HECTD4: variants seen among roughly 807,000 people sequenced by gnomAD.
The protein encoded by HECTD4 is probable E3 ubiquitin-protein ligase HECTD4.
Under a neutral mutation model 471.5 loss-of-function variants are expected in HECTD4, and 114 were observed. The ratio of observed to expected loss-of-function variants is 0.24; its 90% confidence interval spans 0.21 to 0.28. HECTD4 has a LOEUF of 0.28. HECTD4 is among the 10% of genes least tolerant of loss of function. HECTD4 has a pLI of 1.00. For missense variants in HECTD4, 3,866 were observed against 5,651.5 expected (o/e 0.68, Z 10.13); for synonymous variants, 2,012 against 2,256.0 (o/e 0.89, Z 3.07).
intron 66 of HECTD4, among the ~76,000 whole-genome samples, 157 bp downstream of exon 66, chr12:112,175,579 A>T (rs2031409221): frequency 6.6e-6 from 1 of 152,272 alleles, no homozygotes; most frequent in Admixed American, 6.5e-5. Context: ...ATGGGTTAGA[A>T]AACCCATTTA....
In HECTD4 at chr12:112,169,985, A is replaced by C. The variant is rs924322493; in HGVS notation, c.12053-327T>G. 7.5e-6 allele frequency: 4 copies of C among 533,556 alleles called. No individual in the cohort carries two copies. The African/African-American group carries it at 7.6e-5, about 10-fold the overall frequency. 33.1% of individuals were successfully genotyped at this position (533,556 alleles called of 1,614,324 possible). A position where few individuals can be genotyped will look rare whatever the true frequency, so the allele number is the denominator to read the frequency against. Reference sequence around the variant, plus strand: ...CTGCGCATATCCCCCTTCTGTCTATACGCTGTGGCAGAGACTCTGGGGAGC... The same window carrying C: ...CTGCGCATATCCCCCTTCTGTCTATCCGCTGTGGCAGAGACTCTGGGGAGC... On this transcript the variant is annotated intron_variant, in intron 69 of 75. Coordinates refer to ENST00000682272, the MANE Select transcript of HECTD4 (RefSeq NM_001388303.1).
At chr12:112,298,788 G>A (rs1017456726) in intron 7 of HECTD4, among the ~76,000 whole-genome samples, 3 of 151,598 alleles carry the variant, frequency 2.0e-5, no homozygotes, top group Admixed American at 6.6e-5. Context: ...AGGCTGAGGC[G>A]GGAGAATCAC....
chr12:112,319,227 G>C lies in HECTD4; in HGVS notation c.693C>G (p.Ala231=), dbSNP rs1247420342. The C allele has an allele frequency of 3.9e-6, 6 of 1,536,018 alleles. No individual in the cohort carries two copies. The East Asian group carries it at 1.5e-4, about 38-fold the overall frequency. ...ATGATACATTCGATTTTCCTTACCT[G>C]GCACAAGCCAAAGCCACCAGGGCAG... ...AAAALVALAC[A]RGSLKTFVHT... The change falls in exon 2 of 76, where the codon GCC becomes GCG. Residue 231 remains alanine, a splice_region_variant and synonymous_variant. Transcript: ENST00000682272. The surrounding 1 kb of genome is among the most constrained non-coding windows in gnomAD (Gnocchi z 5.3).
Position 112,290,848 on chromosome 12 carries a change from C to CAAAAAAAAAAAAA in HECTD4, c.1336-7547_1336-7546insTTTTTTTTTTTTT, listed in dbSNP as rs773634720. On this transcript the variant is annotated intron_variant, in intron 7 of 75. Coordinates refer to ENST00000682272, the MANE Select transcript of HECTD4 (RefSeq NM_001388303.1). ...GAGCAACAAGAGCGAAACTCCGTCT[C>CAAAAAAAAAAAAA]AAAAAAAAACAAAACAAAAAAAAAA... Among the ~76,000 whole-genome samples, 92 of 86,184 alleles carry CAAAAAAAAAAAAA rather than the reference C, an allele frequency of 1.1e-3. 8 individuals are homozygous for CAAAAAAAAAAAAA. The East Asian group carries it at 0.026, about 25-fold the overall frequency. The allele number at this position is 86,184 out of a possible 152,430, so 56.5% of individuals were successfully genotyped here.
chr12:112,263,014 T>G (rs11066222), intron 17 of HECTD4, among the ~76,000 whole-genome samples: 14,697 of 152,162 alleles, frequency 0.097, 1,909 homozygotes, highest in East Asian at 0.62. Context: ...CTAATGACAT[T>G]CATGATCATC....
chr12:112,270,483 G>T, intron 11 of HECTD4, 24 bp from the exon 12 acceptor site: 1 of 1,585,696 alleles, frequency 6.3e-7, no homozygotes, highest in Non-Finnish European at 8.7e-7. Context: ...AGGAAACTGA[G>T]TGAGGAAAGA....
chr12:112,212,946 C>T (rs2032807354), intron 48 of HECTD4, among the ~76,000 whole-genome samples: 1 of 152,204 alleles, frequency 6.6e-6, no homozygotes, highest in Non-Finnish European at 1.5e-5. Context: ...CAGGCGCCTA[C>T]AAGCACGCCC....
Position 112,162,411 on chromosome 12 carries a change from G to A in HECTD4, c.13233C>T (p.Tyr4411=). The change falls in exon 76 of 76, where the codon TAC becomes TAT. Residue 4411 remains tyrosine, a synonymous_variant. Transcript: ENST00000682272. The surrounding 1 kb of genome is among the most constrained non-coding windows in gnomAD (Gnocchi z 5.2). ...ATCAGCCACTGAGGGGGTCTTCACGGTAGTGAATGGCACAACGAAGTTTCT... is the reference window on the plus strand; with the variant it reads ...ATCAGCCACTGAGGGGGTCTTCACGATAGTGAATGGCACAACGAAGTTTCT... The part of the protein sequence containing the change: ...MLEKLRCAIH[Y]REDPLSG The A allele has an allele frequency of 1.9e-6, 3 of 1,614,058 alleles. No individual in the cohort carries two copies. In the South Asian group the frequency reaches 3.3e-5, roughly 18 times the overall value.
At chr12:112,226,238 C>T (rs1245482329) in intron 44 of HECTD4, among the ~76,000 whole-genome samples, 1 of 152,040 alleles carries the variant, frequency 6.6e-6, no homozygotes, top group Non-Finnish European at 1.5e-5. Context: ...CACACTCACA[C>T]ACACACATGC....
chr12:112,193,756 AC>A lies in HECTD4; in HGVS notation c.8750-83del. 7.8e-7 allele frequency: 1 copy of A among 1,277,106 alleles called. No individual in the cohort carries two copies. Among genetic ancestry groups the A allele is most frequent in the Non-Finnish European group, 1.1e-6 (1 of 902,052 alleles). 79.1% of individuals were successfully genotyped at this position (1,277,106 alleles called of 1,614,324 possible). A position where few individuals can be genotyped will look rare whatever the true frequency, so the allele number is the denominator to read the frequency against. On this transcript the variant is annotated intron_variant, in intron 56 of 75. Transcript: ENST00000682272. This position sits in a 1 kb window ranked among gnomAD's most constrained non-coding sequence, Gnocchi z 5.2. ...GAGTCTAAGTAACAGAAAATGAATAACCCATCCAGAAACCCCAGATGGGAGG... is the reference window on the plus strand; with the variant it reads ...GAGTCTAAGTAACAGAAAATGAATAACCATCCAGAAACCCCAGATGGGAGG...
At chr12:112,317,187 T>C (rs1463916264) in intron 2 of HECTD4, among the ~76,000 whole-genome samples, 1 of 152,146 alleles carries the variant, frequency 6.6e-6, no homozygotes, top group Non-Finnish European at 1.5e-5. Flanking sequence ...AATAAATCAA[T>C]CCAATATAAA....
intron 17 of HECTD4, among the ~76,000 whole-genome samples, chr12:112,262,363 T>G: frequency 6.6e-6 from 1 of 151,322 alleles, no homozygotes. Flanking sequence ...TTTCAAAAAT[T>G]AGCTGGGCAT....
At position 112,248,440 on chromosome 12, in the gene HECTD4, A is replaced by T. The variant is rs748275475; in HGVS notation, c.4023T>A (p.Asp1341Glu). The T allele has an allele frequency of 6.2e-7, 1 of 1,612,370 alleles. No homozygotes were observed. The highest frequency in any genetic ancestry group is 1.1e-5 in the South Asian group (1 of 90,866). ...SCVIKHLNLV[D>E]ALQSLINFQY... ...GGAAATTTATTAGAGACTGCAGTGC[A>T]TCAACCAAGTTCAAGTGCTTAATAA... The change falls in exon 26 of 76, where the codon GAT becomes GAA. Residue 1341 changes from aspartate (D) to glutamate (E), a missense_variant. Asp to Glu is a conservative substitution (Grantham distance 45). This residue lies in a region of HECTD4 where 281 missense variants were observed against 499.9 expected (regional missense o/e 0.56). Transcript: ENST00000682272.
intron 1 of HECTD4, among the ~76,000 whole-genome samples, chr12:112,371,638 G>C (rs1004529940): frequency 6.6e-6 from 1 of 151,626 alleles, no homozygotes; most frequent in African/African-American, 2.4e-5. Context: ...TGTAATCCCA[G>C]CACTTTGGGA....
intron 15 of HECTD4, among the ~76,000 whole-genome samples, 187 bp from the exon 16 acceptor site, chr12:112,265,482 C>T (rs376782773): frequency 6.6e-6 from 1 of 152,086 alleles, no homozygotes; most frequent in African/African-American, 2.4e-5. Flanking sequence ...TCAAATGGCA[C>T]CCAACTACAA....
In HECTD4 at chr12:112,266,002, C is replaced by T. The variant is rs1322219863; in HGVS notation, c.2393-19G>A. The T allele has an allele frequency of 6.5e-7, 1 of 1,529,620 alleles. No homozygotes were observed. The highest frequency in any genetic ancestry group is 2.3e-5 in the East Asian group (1 of 44,322). The allele number at this position is 1,529,620 out of a possible 1,614,324, so 94.8% of individuals were successfully genotyped here. On this transcript the variant is annotated intron_variant, in intron 14 of 75. Transcript: ENST00000682272. ...CTCTCTCCTAACACAGAAGAAAGCT[C>T]CATCAACTACCCTGGTAATGACTCC...
Position 112,247,094 on chromosome 12 carries a change from T to C in HECTD4, c.4338-18A>G, listed in dbSNP as rs1373703814. The C allele has an allele frequency of 4.4e-6, 7 of 1,578,592 alleles. No homozygotes were observed. The highest frequency in any genetic ancestry group is 1.3e-5 in the African/African-American group (1 of 74,278). On this transcript the variant is annotated intron_variant, in intron 28 of 75. Coordinates refer to ENST00000682272, the MANE Select transcript of HECTD4 (RefSeq NM_001388303.1). ...ACTTCTCCCTATAAAGAAAGACTGA[T>C]GTGCATTGAGTTGTTCTCTAGCTTA... is the stretch of plus-strand genomic sequence containing the variant.
At chr12:112,314,429 AG>A (rs2035438111) in intron 3 of HECTD4, 27 bp downstream of exon 3, 9 of 1,165,698 alleles carry the variant, frequency 7.7e-6, no homozygotes, top group Non-Finnish European at 1.1e-5. Flanking sequence ...GTTTGGAAGG[AG>A]GGTAAGGATA....
At chr12:112,299,939 T>C (rs1207373075) in intron 7 of HECTD4, among the ~76,000 whole-genome samples, 1 of 152,152 alleles carries the variant, frequency 6.6e-6, no homozygotes, top group Non-Finnish European at 1.5e-5. Flanking sequence ...GTCTTCACAG[T>C]TGATTGACAC....
Sources: allele counts gnomAD v4.1 joint callset (sites outside exome capture counted in the v4.1 genomes callset), GRCh38; gene constraint gnomAD v4.1.1; regional missense constraint gnomAD v4.1.1; non-coding constraint Gnocchi (gnomAD v3.1); transcripts MANE v1.5; gene names NCBI Gene and HGNC (gene_info 2026-07-23, HGNC 2026-07-21).